The following NR6A1 variants were observed in gnomAD, a reference collection of about 807,000 sequenced individuals.
The protein encoded by NR6A1 is retinoic acid receptor-related testis-associated receptor.
A neutral mutation model predicts 59.1 loss-of-function variants in NR6A1; 7 were observed. That is an observed-to-expected ratio of 0.12 (90% CI 0.07 to 0.22). NR6A1 has a LOEUF of 0.22. NR6A1 is among the 10% of genes least tolerant of loss of function. NR6A1 has a pLI of 1.00. For missense variants in NR6A1, 468 were observed against 611.6 expected, an observed-to-expected ratio of 0.77 and a Z score of 2.48; for synonymous variants, 243 against 236.1, an observed-to-expected ratio of 1.03 and a Z score of -0.27.
At chr9:124,765,281 A>T (rs1159209164) in intron 1 of NR6A1, among the ~76,000 whole-genome samples, 1 of 152,242 alleles carries the variant, frequency 6.6e-6, no homozygotes, top group African/African-American at 2.4e-5. Flanking sequence ...AAAGAAACTC[A>T]GAACACTTGA....
At chr9:124,533,452 C>T (rs1339253303) in intron 7 of NR6A1, among the ~76,000 whole-genome samples, 2 of 152,128 alleles carry the variant, frequency 1.3e-5, no homozygotes, top group African/African-American at 4.8e-5. Context: ...TATTAGAAAA[C>T]AAGTAGAGAG....
At chr9:124,544,256 T>C (rs1007656539) in intron 3 of NR6A1, among the ~76,000 whole-genome samples, 22 of 152,264 alleles carry the variant, frequency 1.4e-4, no homozygotes, top group African/African-American at 5.3e-4. Context: ...AAGTTTAGAT[T>C]TGATTTGTAG....
intron 1 of NR6A1, among the ~76,000 whole-genome samples, chr9:124,739,000 T>TC (rs1840097654): frequency 7.3e-6 from 1 of 137,700 alleles, no homozygotes; most frequent in Admixed American, 7.3e-5. Flanking sequence ...AGACTCCATC[T>TC]AAAAAAAAAA....
At chr9:124,699,076 C>A (rs1838854878) in intron 2 of NR6A1, among the ~76,000 whole-genome samples, 1 of 152,206 alleles carries the variant, frequency 6.6e-6, no homozygotes, top group East Asian at 1.9e-4. Context: ...TCAAGCCAGT[C>A]ACCCTGTTTA....
intron 1 of NR6A1, among the ~76,000 whole-genome samples, chr9:124,768,704 A>T (rs1363267112): frequency 2.6e-5 from 4 of 152,376 alleles, no homozygotes; most frequent in Non-Finnish European, 5.9e-5. Context: ...GAGACTATGA[A>T]TGGGAAATCT....
At chr9:124,683,235 GGGAAAAGGAAAAGGAAAA>G (rs144520685) in intron 2 of NR6A1, among the ~76,000 whole-genome samples, 8 of 149,892 alleles carry the variant, frequency 5.3e-5, no homozygotes, top group South Asian at 2.1e-4. Flanking sequence ...GAAAGGGAAA[GGGAAAAGGAAAAGGAAAA>G]GGAAAAGGAA....
intron 4 of NR6A1, 102 bp from the exon 5 acceptor site, chr9:124,540,289 T>C: frequency 2.1e-5 from 28 of 1,307,424 alleles, no homozygotes; most frequent in Non-Finnish European, 2.9e-5. Flanking sequence ...CCCAGAAACC[T>C]AGGTTCCCTC....
chr9:124,612,788 C>CTTTCT (rs1835788245), intron 2 of NR6A1, among the ~76,000 whole-genome samples: 1 of 143,782 alleles, frequency 7.0e-6, no homozygotes, highest in Non-Finnish European at 1.6e-5. Flanking sequence ...GTTTTTCTTT[C>CTTTCT]TTTCTTTTCT....
rs189132687 is a variant in NR6A1 at position 124,619,274 on chromosome 9, T to A, written c.143-64704A>T. ...TATGTAATTTTAATTAAAAAAAAAA[T>A]TTTTTTTGAGACAGGGTCTCCCTCT... On this transcript the variant is annotated intron_variant, in intron 2 of 9. Transcript: ENST00000487099. Among the ~76,000 whole-genome samples the A allele has an allele frequency of 5.0e-3, 763 of 151,674 alleles. 4 individuals are homozygous for A. Among genetic ancestry groups the A allele is most frequent in the Non-Finnish European group, 9.3e-3 (634 of 67,876 alleles).
chr9:124,571,967 T>G (rs1222945155), intron 2 of NR6A1, among the ~76,000 whole-genome samples: 2 of 151,594 alleles, frequency 1.3e-5, no homozygotes, highest in Non-Finnish European at 2.9e-5. Context: ...AAAGCCTGCC[T>G]ATATTTAGAG....
At chr9:124,680,223 G>C (rs1242895040) in intron 2 of NR6A1, among the ~76,000 whole-genome samples, 1 of 151,958 alleles carries the variant, frequency 6.6e-6, no homozygotes, top group Non-Finnish European at 1.5e-5. Context: ...CCCTGCACCA[G>C]GCACTATTAA....
At chr9:124,760,697 C>G (rs1326978103) in intron 1 of NR6A1, among the ~76,000 whole-genome samples, 2 of 152,146 alleles carry the variant, frequency 1.3e-5, no homozygotes, top group Non-Finnish European at 2.9e-5. Context: ...ACACCTACCT[C>G]AGAGTTAAGA....
intron 2 of NR6A1, among the ~76,000 whole-genome samples, chr9:124,611,794 T>TGAGAGAGAAA (rs1835759084): frequency 9.0e-6 from 1 of 111,322 alleles, no homozygotes; most frequent in Non-Finnish European, 1.8e-5. Context: ...TGAGAGAGAA[T>TGAGAGAGAAA]GAGAGAGAAT....
rs575681412 is a variant in NR6A1, at chr9:124,587,493, C to T, written c.143-32923G>A. 6.5e-4 allele frequency among the ~76,000 whole-genome samples: 99 copies of T among 152,212 alleles called. 1 individual carries two copies. The South Asian group carries it at 0.018, about 28-fold the overall frequency. ...GGTCCCTTCACAGTTCTGAGGCCCT[C>T]GTGAAAGAAGGACCAATTAGTATGC... On this transcript the variant is annotated intron_variant, in intron 2 of 9. Coordinates refer to ENST00000487099, the MANE Select transcript of NR6A1 (RefSeq NM_033334.4).
At chr9:124,603,770 G>C (rs2130827354) in intron 2 of NR6A1, among the ~76,000 whole-genome samples, 1 of 152,108 alleles carries the variant, frequency 6.6e-6, no homozygotes, top group East Asian at 1.9e-4. Context: ...CATAGGAAAG[G>C]GGGAAAAAAA....
intron 2 of NR6A1, among the ~76,000 whole-genome samples, chr9:124,688,213 T>C (rs923694301): frequency 1.2e-4 from 18 of 151,992 alleles, no homozygotes; most frequent in African/African-American, 4.4e-4. Context: ...CAGTTCTAGC[T>C]ACTCAGGAGG....
intron 2 of NR6A1, among the ~76,000 whole-genome samples, chr9:124,667,096 C>T (rs1588761849): frequency 6.7e-6 from 1 of 149,812 alleles, no homozygotes; most frequent in Non-Finnish European, 1.5e-5. Flanking sequence ...AGTGCAGTGG[C>T]GCAATGTCGG....
At chr9:124,607,340 T>C (rs1010120726) in intron 2 of NR6A1, 3 of 152,184 alleles carry the variant, frequency 2.0e-5, no homozygotes, top group Non-Finnish European at 4.4e-5. Flanking sequence ...TAAGGCGGGA[T>C]GAACTGGCCT....
At chr9:124,552,675 A>G (rs1833812199) in intron 3 of NR6A1, among the ~76,000 whole-genome samples, 1 of 152,178 alleles carries the variant, frequency 6.6e-6, no homozygotes, top group Non-Finnish European at 1.5e-5. Context: ...TTGCTAACTC[A>G]TTTTACCTCC....
Sources: gnomAD v4.1 joint callset for allele counts (sites outside exome capture counted in the v4.1 genomes callset) on GRCh38, gnomAD v4.1.1 for gene constraint, MANE v1.5 for transcripts, NCBI Gene and HGNC (gene_info 2026-07-23, HGNC 2026-07-21) for gene names.